The following NCKAP5 variants were observed in gnomAD, a reference collection of about 807,000 sequenced individuals.
NCKAP5 encodes NCK associated protein 5.
Under a neutral mutation model 167.0 loss-of-function variants are expected in NCKAP5, and 92 were observed. The ratio of observed to expected loss-of-function variants is 0.55; its 90% CI spans 0.47 to 0.66. The LOEUF is 0.66. NCKAP5 is among the 30% of genes least tolerant of loss of function. NCKAP5 has a pLI of 0.00. For missense variants in NCKAP5, 2,378 were observed against 2,315.0 expected (o/e 1.03, Z -0.56); for synonymous variants, 891 against 877.4 (o/e 1.02, Z -0.27).
chr2:133,008,741 G>T (rs2078055481), intron 6 of NCKAP5, among the ~76,000 whole-genome samples: 1 of 151,920 alleles, frequency 6.6e-6, no homozygotes, highest in African/African-American at 2.4e-5. Context: ...TAAAAACTGG[G>T]GGAAAAAAAG....
intron 7 of NCKAP5, among the ~76,000 whole-genome samples, chr2:132,964,641 C>T (rs1340511080): frequency 1.3e-5 from 2 of 152,118 alleles, no homozygotes; most frequent in Admixed American, 6.5e-5. Flanking sequence ...CATGGAGACT[C>T]TTGCTCCCCA....
chr2:133,348,021 G>A (rs1383727764), intron 3 of NCKAP5, among the ~76,000 whole-genome samples: 1 of 152,206 alleles, frequency 6.6e-6, no homozygotes, highest in African/African-American at 2.4e-5. Flanking sequence ...CTGGCTTGCA[G>A]AAGGGACAGG....
At chr2:132,765,652 C>A (rs1681409925) in intron 16 of NCKAP5, among the ~76,000 whole-genome samples, 1 of 152,108 alleles carries the variant, frequency 6.6e-6, no homozygotes, top group African/African-American at 2.4e-5. Flanking sequence ...TAGCACAGAT[C>A]AACTGAAGTT....
intron 3 of NCKAP5, among the ~76,000 whole-genome samples, chr2:133,392,947 T>C (rs919660920): frequency 4.6e-5 from 7 of 152,160 alleles, no homozygotes; most frequent in African/African-American, 7.2e-5. Context: ...CTTCCTATAA[T>C]TTGATTGCCT....
chr2:133,353,448 C>T (rs1461464471), intron 3 of NCKAP5, among the ~76,000 whole-genome samples: 1 of 152,178 alleles, frequency 6.6e-6, no homozygotes, highest in African/African-American at 2.4e-5. Flanking sequence ...ATTGAAGTCA[C>T]ATCAACCTGA....
intron 11 of NCKAP5, among the ~76,000 whole-genome samples, chr2:132,809,695 T>C (rs1685710310): frequency 6.6e-6 from 1 of 152,192 alleles, no homozygotes; most frequent in African/African-American, 2.4e-5. Flanking sequence ...AGATGGTTGG[T>C]TCATGAGTTC....
At chr2:133,429,029 A>G (rs2151118022) in intron 3 of NCKAP5, among the ~76,000 whole-genome samples, 1 of 152,272 alleles carries the variant, frequency 6.6e-6, no homozygotes, top group East Asian at 1.9e-4. Flanking sequence ...CTCCTGTGAA[A>G]ATAAATGCAA....
chr2:133,366,668 G>A, intron 3 of NCKAP5, among the ~76,000 whole-genome samples: 1 of 152,110 alleles, frequency 6.6e-6, no homozygotes, highest in Non-Finnish European at 1.5e-5. Context: ...CTATTCCAAT[G>A]CTTAAAACAT....
chr2:133,305,095 T>C (rs759464156), intron 3 of NCKAP5, among the ~76,000 whole-genome samples: 1 of 152,148 alleles, frequency 6.6e-6, no homozygotes, highest in South Asian at 2.1e-4. Context: ...CAGTGGGTGC[T>C]GGGAACAGGG....
chr2:133,217,380 A>T (rs1355188386), intron 4 of NCKAP5, among the ~76,000 whole-genome samples: 1 of 151,998 alleles, frequency 6.6e-6, no homozygotes, highest in Non-Finnish European at 1.5e-5. Flanking sequence ...ATGATAATTA[A>T]CTTCCTACAC....
chr2:133,023,155 C>T (rs2078584368), intron 6 of NCKAP5, among the ~76,000 whole-genome samples: 1 of 152,140 alleles, frequency 6.6e-6, no homozygotes, highest in African/African-American at 2.4e-5. Context: ...TTGAGACAAT[C>T]AATGTGTGTT....
rs778101330 is a variant in NCKAP5 at position 132,725,611 on chromosome 2, G to A, written c.5713+16C>T. 3.1e-6 allele frequency: 5 copies of A among 1,601,810 alleles called. No individual in the cohort carries two copies. The African/African-American group carries it at 5.4e-5, about 17-fold the overall frequency. The stretch of plus-strand genomic sequence containing the variant: ...AGAGAGGAACCTGCAGGGCCAGCAA[G>A]TTCGCTGGTTGTTACCTGGGGCAGC... On this transcript the variant is annotated intron_variant, in intron 19 of 19. Coordinates refer to ENST00000409261, the MANE Select transcript of NCKAP5 (RefSeq NM_207363.3).
chr2:132,781,971 T>C lies in NCKAP5; in HGVS notation c.4840A>G (p.Lys1614Glu). ...NRHSPVACST[K>E]DTFMTELLNR... Reference sequence around the variant, plus strand: ...AAGAGTTCCGTCATGAAGGTGTCTTTCGTTGAACATGCAACAGGGCTGTGT... The same window carrying C: ...AAGAGTTCCGTCATGAAGGTGTCTTCCGTTGAACATGCAACAGGGCTGTGT... Residue 1614 changes from lysine to glutamate, a missense_variant, in exon 14 of 20, where the codon AAA (lysine) becomes GAA (glutamate). By Grantham distance (56) the Lys-to-Glu change is moderately conservative. Around this residue, in one of 3 missense-constraint regions of NCKAP5, gnomAD observed 1,325 missense variants for 1,274.5 expected, o/e 1.04. Transcript: ENST00000409261. The C allele has an allele frequency of 2.5e-6, 4 of 1,613,422 alleles. No individual in the cohort carries two copies. The highest frequency in any genetic ancestry group is 3.4e-6 in the Non-Finnish European group (4 of 1,179,530).
At chr2:133,484,521 A>C (rs1451737983) in intron 3 of NCKAP5, among the ~76,000 whole-genome samples, 1 of 152,202 alleles carries the variant, frequency 6.6e-6, no homozygotes, top group Non-Finnish European at 1.5e-5. Context: ...ACATGACAAG[A>C]TGGATTAATC....
chr2:133,599,413 C>A, the NCKAP5 span, among the ~76,000 whole-genome samples: 3 of 152,124 alleles, frequency 2.0e-5, no homozygotes, highest in Admixed American at 2.0e-4. Flanking sequence ...TTCACAGATA[C>A]AAAGTACAGG....
Position 132,888,462 on chromosome 2 carries a change from C to T in NCKAP5, c.580-9546G>A, listed in dbSNP as rs140524428. On this transcript the variant is annotated intron_variant, in intron 8 of 19. Transcript: ENST00000409261. ...GGAGTGCAATGGTATGATCTCAGCT[C>T]CCTGCAACCTCCACCTACTGGGTTC... Among the ~76,000 whole-genome samples the T allele has an allele frequency of 7.5e-3, 1,145 of 152,210 alleles. 10 individuals are homozygous for T. Among genetic ancestry groups the T allele is most frequent in the Non-Finnish European group, 0.012 (813 of 68,020 alleles).
At chr2:133,324,916 C>A (rs562658082) in intron 3 of NCKAP5, among the ~76,000 whole-genome samples, 7 of 152,234 alleles carry the variant, frequency 4.6e-5, no homozygotes, top group Non-Finnish European at 1.0e-4. Context: ...CCATGTTGAC[C>A]AGGCTGGTCT....
intron 16 of NCKAP5, among the ~76,000 whole-genome samples, chr2:132,735,688 T>A (rs73957635): frequency 0.12 from 18,102 of 152,226 alleles, 1,676 homozygotes; most frequent in East Asian, 0.45. Flanking sequence ...ATAAGGCACA[T>A]AGAGCACTTA....
chr2:133,627,452 G>A, the NCKAP5 span, among the ~76,000 whole-genome samples: 1 of 152,154 alleles, frequency 6.6e-6, no homozygotes, highest in Non-Finnish European at 1.5e-5. Flanking sequence ...AATATTTTGT[G>A]TAGGGTAAGT....
Sources: gnomAD v4.1 joint callset for allele counts (sites outside exome capture counted in the v4.1 genomes callset) on GRCh38, gnomAD v4.1.1 for gene constraint, gnomAD v4.1.1 regional missense constraint, MANE v1.5 for transcripts, NCBI Gene and HGNC (gene_info 2026-07-23, HGNC 2026-07-21) for gene names.